Variants in PLD5 observed in about 807,000 individuals in gnomAD.
PLD5 encodes inactive phospholipase D5.
In PLD5, 36 loss-of-function variants were observed where a neutral mutation model predicts 61.1. The ratio of observed to expected loss-of-function variants is 0.59; its 90% CI spans 0.45 to 0.78. The LOEUF (loss-of-function observed/expected upper bound fraction) is 0.78. PLD5 is among the 30% of genes least tolerant of loss of function. The pLI, the probability that PLD5 is intolerant of heterozygous loss-of-function variation, is 0.00. For missense variants in PLD5, 515 were observed against 644.4 expected, an observed-to-expected ratio of 0.80 and a Z score of 2.17; for synonymous variants, 243 against 242.8, an observed-to-expected ratio of 1.00 and a Z score of -0.01.
intron 4 of PLD5, among the ~76,000 whole-genome samples, chr1:242,225,650 G>A (rs1440827009): frequency 6.6e-6 from 1 of 152,080 alleles, no homozygotes; most frequent in African/African-American, 2.4e-5. Flanking sequence ...TCATGGTATG[G>A]AATGCACCAC....
chr1:242,394,104 A>G (rs1572050149), intron 1 of PLD5, among the ~76,000 whole-genome samples: 1 of 137,182 alleles, frequency 7.3e-6, no homozygotes, highest in African/African-American at 2.5e-5. Flanking sequence ...ATATATGTGT[A>G]TATATATGAG....
At chr1:242,168,956 A>T (rs1211641088) in intron 5 of PLD5, among the ~76,000 whole-genome samples, 1 of 151,170 alleles carries the variant, frequency 6.6e-6, no homozygotes, top group Non-Finnish European at 1.5e-5. Context: ...AGAAGAGAGA[A>T]GGCCCTAATA....
intron 1 of PLD5, among the ~76,000 whole-genome samples, chr1:242,427,702 G>A (rs1194611043): frequency 6.6e-6 from 1 of 152,190 alleles, no homozygotes; most frequent in Non-Finnish European, 1.5e-5. Context: ...GCAGACTGAT[G>A]ATTAGCTGAC....
intron 4 of PLD5, among the ~76,000 whole-genome samples, chr1:242,264,188 G>A (rs1407975738): frequency 1.3e-5 from 2 of 152,082 alleles, no homozygotes; most frequent in African/African-American, 4.8e-5. Context: ...AATAGGAAAA[G>A]TAAGAATACA....
At chr1:242,367,106 A>G (rs1661388326) in intron 1 of PLD5, among the ~76,000 whole-genome samples, 1 of 152,230 alleles carries the variant, frequency 6.6e-6, no homozygotes, top group East Asian at 1.9e-4. Flanking sequence ...ACAGAGCCCT[A>G]CTCTACTCCC....
intron 6 of PLD5, among the ~76,000 whole-genome samples, chr1:242,119,730 T>A (rs1367633784): frequency 2.0e-5 from 3 of 152,126 alleles, no homozygotes; most frequent in Non-Finnish European, 4.4e-5. Context: ...GCTGGTGGGA[T>A]TGTAAAATGG....
chr1:242,328,889 G>A (rs1243925119), intron 2 of PLD5, among the ~76,000 whole-genome samples: 1 of 152,080 alleles, frequency 6.6e-6, no homozygotes, highest in Admixed American at 6.5e-5. Flanking sequence ...TTTTACTATG[G>A]CATTTGACAG....
At chr1:242,203,254 C>T (rs1273980066) in intron 5 of PLD5, among the ~76,000 whole-genome samples, 1 of 152,182 alleles carries the variant, frequency 6.6e-6, no homozygotes, top group African/African-American at 2.4e-5. Context: ...GTTAGCCCAC[C>T]TACGGCTTCC....
intron 1 of PLD5, among the ~76,000 whole-genome samples, chr1:242,373,035 A>T (rs1480037555): frequency 6.6e-6 from 1 of 152,226 alleles, no homozygotes; most frequent in Non-Finnish European, 1.5e-5. Context: ...AATTTTTGCA[A>T]TCTACTCATC....
intron 1 of PLD5, among the ~76,000 whole-genome samples, chr1:242,364,069 G>A (rs1450942641): frequency 6.6e-6 from 1 of 151,982 alleles, no homozygotes; most frequent in African/African-American, 2.4e-5. Context: ...TTTTACAATG[G>A]TAAAGGGGTA....
intron 1 of PLD5, among the ~76,000 whole-genome samples, chr1:242,355,447 T>C (rs1197809076): frequency 6.6e-5 from 10 of 152,156 alleles, no homozygotes; most frequent in African/African-American, 2.4e-4. Flanking sequence ...TCTGTAGTTA[T>C]CAGTTGTAAT....
chr1:242,151,901 A>G (rs1411249941), intron 5 of PLD5, among the ~76,000 whole-genome samples: 1 of 152,134 alleles, frequency 6.6e-6, no homozygotes, highest in African/African-American at 2.4e-5. Flanking sequence ...GAAACAGCAC[A>G]GAGAGATTCC....
At chr1:242,241,867 TA>T (rs1672029869) in intron 4 of PLD5, among the ~76,000 whole-genome samples, 2 of 53,934 alleles carry the variant, frequency 3.7e-5, no homozygotes, top group South Asian at 8.2e-4. Context: ...TTGCTTTACT[TA>T]CTATATATAT....
At chr1:242,396,208 G>A (rs1411982066) in intron 1 of PLD5, among the ~76,000 whole-genome samples, 1 of 152,128 alleles carries the variant, frequency 6.6e-6, no homozygotes, top group African/African-American at 2.4e-5. Flanking sequence ...TTCATATTTT[G>A]AGCCCAATAA....
At chr1:242,326,156 G>T (rs1658764083) in intron 2 of PLD5, among the ~76,000 whole-genome samples, 1 of 151,414 alleles carries the variant, frequency 6.6e-6, no homozygotes. Context: ...ATACAGGTGT[G>T]AACCCATGTG....
At chr1:242,152,517 C>G (rs572716760) in intron 5 of PLD5, among the ~76,000 whole-genome samples, 2 of 152,050 alleles carry the variant, frequency 1.3e-5, no homozygotes, top group Admixed American at 1.3e-4. Context: ...CCCCCTACCC[C>G]CTAACAGGCC....
At chr1:242,421,247 C>T (rs954825861) in intron 1 of PLD5, among the ~76,000 whole-genome samples, 13 of 149,822 alleles carry the variant, frequency 8.7e-5, no homozygotes, top group African/African-American at 3.2e-4. Flanking sequence ...ATAAAGACCA[C>T]ATCTTTTTGT....
intron 1 of PLD5, among the ~76,000 whole-genome samples, chr1:242,464,954 T>C (rs1667229946): frequency 6.6e-6 from 1 of 152,224 alleles, no homozygotes; most frequent in South Asian, 2.1e-4. Flanking sequence ...TATGTAAATC[T>C]ACAGAAGTAG....
intron 1 of PLD5, chr1:242,449,353 C>A (rs769791457): frequency 1.3e-6 from 2 of 1,536,112 alleles, no homozygotes; most frequent in South Asian, 1.2e-5. Flanking sequence ...GAGTTTCTTA[C>A]CATTGCGACC....
Sources: gnomAD v4.1 joint callset for allele counts (sites outside exome capture counted in the v4.1 genomes callset) on GRCh38, gnomAD v4.1.1 for gene constraint, MANE v1.5 for transcripts, NCBI Gene and HGNC (gene_info 2026-07-23, HGNC 2026-07-21) for gene names.